The following INTS4 variants were observed in gnomAD, a reference collection of about 807,000 sequenced individuals.
INTS4 encodes the protein MSTP093.
Under a neutral mutation model 119.5 loss-of-function variants are expected in INTS4, and 70 were observed. The observed-to-expected ratio is 0.59, with a 90% CI of 0.48 to 0.71. The LOEUF (loss-of-function observed/expected upper bound fraction) is 0.71. Ranked by LOEUF, INTS4 falls within the 30% of genes least tolerant of loss-of-function variation. INTS4 has a pLI of 0.00. For synonymous variants in INTS4, 316 were observed against 419.6 expected (o/e 0.75, Z 3.02); for missense variants, 867 against 1,173.2 (o/e 0.74, Z 3.81).
At chr11:77,891,239 G>A in intron 21 of INTS4, 80 bp downstream of exon 21, 3 of 1,349,596 alleles carry the variant, frequency 2.2e-6, no homozygotes, top group Non-Finnish European at 3.1e-6. Context: ...CCCTCAAGTA[G>A]AGACTACAGG....
chr11:77,887,921 A>G (rs1952087737), intron 21 of INTS4, among the ~76,000 whole-genome samples: 1 of 152,368 alleles, frequency 6.6e-6, no homozygotes, highest in Admixed American at 6.5e-5. Flanking sequence ...ATGAAATAAA[A>G]GAGGATACAA....
chr11:77,909,084 C>T (rs537010752), intron 15 of INTS4, among the ~76,000 whole-genome samples: 27 of 152,308 alleles, frequency 1.8e-4, no homozygotes, highest in African/African-American at 5.3e-4. Flanking sequence ...ATTGGTGTGT[C>T]TGTCTGTCTC....
chr11:77,920,206 C>CACACATATATATACACATATATAT (rs1489496819), intron 14 of INTS4, among the ~76,000 whole-genome samples: 4,040 of 88,900 alleles, frequency 0.045, 215 homozygotes, highest in African/African-American at 0.16. Context: ...CATATATATA[C>CACACATATATATACACATATATAT]ACACATATAT....
chr11:77,892,230 A>G (rs1359544545), intron 19 of INTS4, among the ~76,000 whole-genome samples: 3 of 152,232 alleles, frequency 2.0e-5, no homozygotes, highest in African/African-American at 4.8e-5. Flanking sequence ...CGGAAGAGAA[A>G]AAAACGATTG....
chr11:77,958,998 T>C (rs1214698192), intron 6 of INTS4, among the ~76,000 whole-genome samples, 164 bp from the exon 7 acceptor site: 1 of 152,230 alleles, frequency 6.6e-6, no homozygotes, highest in African/African-American at 2.4e-5. Context: ...TCTTGACCTC[T>C]GTCAGCTGCT....
At chr11:77,954,058 C>T (rs868571091) in intron 8 of INTS4, among the ~76,000 whole-genome samples, 30 of 152,122 alleles carry the variant, frequency 2.0e-4, no homozygotes, top group African/African-American at 6.5e-4. Flanking sequence ...GTGATCCGCC[C>T]GCCTTGGCCT....
intron 8 of INTS4, among the ~76,000 whole-genome samples, chr11:77,944,942 A>G (rs1954012415): frequency 6.6e-6 from 1 of 152,246 alleles, no homozygotes; most frequent in African/African-American, 2.4e-5. Flanking sequence ...GTTTAAAAAA[A>G]AATGGCTCAC....
intron 10 of INTS4, among the ~76,000 whole-genome samples, chr11:77,931,765 G>C (rs1953655820): frequency 6.6e-6 from 1 of 152,094 alleles, no homozygotes. Flanking sequence ...GAACAGAATA[G>C]AGGCCTCAGA....
intron 16 of INTS4, 35 bp downstream of exon 16, chr11:77,907,682 C>T: frequency 6.7e-7 from 1 of 1,492,708 alleles, no homozygotes; most frequent in African/African-American, 1.4e-5. Flanking sequence ...GCATTTTTAG[C>T]AACACAATCA....
chr11:77,940,555 C>T (rs1953905703), intron 9 of INTS4, among the ~76,000 whole-genome samples: 2 of 152,170 alleles, frequency 1.3e-5, no homozygotes, highest in South Asian at 4.1e-4. Context: ...TACCATCTCA[C>T]AAAATGAGAA....
At chr11:77,935,940 G>A (rs1953781319) in intron 10 of INTS4, among the ~76,000 whole-genome samples, 1 of 148,462 alleles carries the variant, frequency 6.7e-6, no homozygotes, top group Admixed American at 6.8e-5. Flanking sequence ...TTCAAGTAGT[G>A]CAAAAGAAGA....
At chr11:77,951,256 GT>G (rs1418402687) in intron 8 of INTS4, among the ~76,000 whole-genome samples, 1 of 152,130 alleles carries the variant, frequency 6.6e-6, no homozygotes, top group Non-Finnish European at 1.5e-5. Flanking sequence ...GGATTGCTGG[GT>G]CAAATGGTAT....
At chr11:77,954,228 T>C (rs1466608320) in intron 8 of INTS4, among the ~76,000 whole-genome samples, 1 of 152,234 alleles carries the variant, frequency 6.6e-6, no homozygotes, top group Non-Finnish European at 1.5e-5. Context: ...GCTGGATAAC[T>C]TACTTAACTC....
At chr11:77,990,430 A>G (rs1856628386) in intron 2 of INTS4, among the ~76,000 whole-genome samples, 1 of 151,970 alleles carries the variant, frequency 6.6e-6, no homozygotes, top group Non-Finnish European at 1.5e-5. Context: ...TCACGCCTGT[A>G]ATCCTAACAC....
intron 12 of INTS4, among the ~76,000 whole-genome samples, chr11:77,923,697 T>A (rs972926546): frequency 6.6e-6 from 1 of 151,910 alleles, no homozygotes; most frequent in African/African-American, 2.4e-5. Flanking sequence ...TATAACTACA[T>A]GAGGGCCCTT....
At chr11:77,932,694 TG>T in intron 10 of INTS4, among the ~76,000 whole-genome samples, 1 of 152,092 alleles carries the variant, frequency 6.6e-6, no homozygotes, top group Non-Finnish European at 1.5e-5. Flanking sequence ...AGTAAAGACT[TG>T]GAACCAACCC....
intron 8 of INTS4, among the ~76,000 whole-genome samples, chr11:77,945,565 G>A (rs1954028435): frequency 2.0e-5 from 3 of 152,082 alleles, no homozygotes; most frequent in South Asian, 2.1e-4. Flanking sequence ...CCCACATAGC[G>A]CTACCAACCA....
At chr11:77,936,875 A>G (rs1346738918) in intron 10 of INTS4, among the ~76,000 whole-genome samples, 2 of 152,264 alleles carry the variant, frequency 1.3e-5, no homozygotes, top group Non-Finnish European at 2.9e-5. Context: ...AGTCAGAGAA[A>G]TTAAAAAAAA....
chr11:77,964,951 G>A (rs188181560), intron 4 of INTS4, among the ~76,000 whole-genome samples: 254 of 152,230 alleles, frequency 1.7e-3, no homozygotes, highest in Admixed American at 3.3e-3. Context: ...ATATTTTTGG[G>A]ATACAATGTG....
Sources: allele counts gnomAD v4.1 joint callset (sites outside exome capture counted in the v4.1 genomes callset), GRCh38; gene constraint gnomAD v4.1.1; transcripts MANE v1.5; gene names NCBI Gene and HGNC (gene_info 2026-07-23, HGNC 2026-07-21).